PCDH9: variants seen among roughly 807,000 people sequenced by gnomAD.
PCDH9 encodes protocadherin 9.
PCDH9 carries 24 observed loss-of-function variants against 70.6 expected under a neutral mutation model. That is an observed-to-expected ratio of 0.34 (90% CI 0.25 to 0.48). PCDH9 has a LOEUF of 0.48. PCDH9 is among the 20% of genes least tolerant of loss of function. The pLI is 0.99. For synonymous variants in PCDH9, 562 were observed against 558.5 expected (o/e 1.01, Z -0.09); for missense variants, 1,281 against 1,503.6 (o/e 0.85, Z 2.45).
chr13:66,352,929 C>A (rs1407925218), intron 4 of PCDH9, among the ~76,000 whole-genome samples: 2 of 152,158 alleles, frequency 1.3e-5, no homozygotes, highest in Non-Finnish European at 2.9e-5. Flanking sequence ...TTCCTCCACT[C>A]TGATCTAGCC....
chr13:66,987,566 G>A (rs2083917637), intron 2 of PCDH9, among the ~76,000 whole-genome samples: 1 of 151,952 alleles, frequency 6.6e-6, no homozygotes, highest in African/African-American at 2.4e-5. Context: ...ATGAAATGAA[G>A]AGCTAGCTGA....
chr13:66,627,799 C>CT (rs1834044150), intron 4 of PCDH9, among the ~76,000 whole-genome samples: 2 of 152,142 alleles, frequency 1.3e-5, no homozygotes, highest in African/African-American at 4.8e-5. Context: ...GGTAAAAACT[C>CT]TAGAGATTTC....
chr13:66,746,753 C>A (rs1294470897), intron 3 of PCDH9, among the ~76,000 whole-genome samples: 2 of 152,094 alleles, frequency 1.3e-5, no homozygotes, highest in Admixed American at 6.5e-5. Flanking sequence ...AATATTTTCA[C>A]TACTGAAAGT....
At chr13:66,378,242 T>C (rs1956784547) in intron 4 of PCDH9, among the ~76,000 whole-genome samples, 1 of 152,188 alleles carries the variant, frequency 6.6e-6, no homozygotes, top group African/African-American at 2.4e-5. Flanking sequence ...ATTCAACCTT[T>C]CAAAGATGTA....
intron 4 of PCDH9, among the ~76,000 whole-genome samples, chr13:66,561,512 C>T (rs577276429): frequency 2.0e-5 from 3 of 152,316 alleles, no homozygotes; most frequent in African/African-American, 7.2e-5. Flanking sequence ...CTTGGAGAAC[C>T]TTTATGTCTA....
intron 2 of PCDH9, among the ~76,000 whole-genome samples, chr13:67,004,945 T>A (rs1446944149): frequency 5.3e-5 from 8 of 152,128 alleles, no homozygotes; most frequent in Non-Finnish European, 1.5e-5. Context: ...AGGGGACTAT[T>A]TTGAAGTGGT....
chr13:66,471,828 G>A (rs1372022180), intron 4 of PCDH9, among the ~76,000 whole-genome samples: 5 of 152,160 alleles, frequency 3.3e-5, no homozygotes, highest in Admixed American at 2.6e-4. Flanking sequence ...AGAAGGGAAA[G>A]TGTGGGTTAT....
intron 3 of PCDH9, among the ~76,000 whole-genome samples, chr13:66,652,893 GA>G (rs757446013): frequency 1.6e-4 from 24 of 152,068 alleles, no homozygotes; most frequent in Non-Finnish European, 2.5e-4. Flanking sequence ...TACATTGAGG[GA>G]AAGGATAGTC....
intron 3 of PCDH9, among the ~76,000 whole-genome samples, chr13:66,722,967 CAAAAA>C (rs1210244459): frequency 1.4e-5 from 1 of 73,712 alleles, no homozygotes; most frequent in Non-Finnish European, 2.9e-5. Context: ...GACTGCATCT[CAAAAA>C]AAAAAAAAAA....
At chr13:66,776,122 C>T (rs893431440) in intron 3 of PCDH9, among the ~76,000 whole-genome samples, 5 of 151,978 alleles carry the variant, frequency 3.3e-5, no homozygotes, top group Admixed American at 1.3e-4. Flanking sequence ...TTTGATGGGA[C>T]GTATCTCAAA....
At chr13:66,382,884 C>A (rs1956871840) in intron 4 of PCDH9, among the ~76,000 whole-genome samples, 1 of 152,018 alleles carries the variant, frequency 6.6e-6, no homozygotes, top group Non-Finnish European at 1.5e-5. Context: ...TACAAAAAAT[C>A]AGCCAGGCGT....
chr13:66,501,818 A>G (rs1038208981), intron 4 of PCDH9, among the ~76,000 whole-genome samples: 1 of 152,138 alleles, frequency 6.6e-6, no homozygotes, highest in Non-Finnish European at 1.5e-5. Flanking sequence ...TGTACATTTT[A>G]CTTAAGGCAT....
chr13:66,638,603 T>A (rs1593820096), intron 3 of PCDH9, among the ~76,000 whole-genome samples: 1 of 152,146 alleles, frequency 6.6e-6, no homozygotes, highest in East Asian at 1.9e-4. Flanking sequence ...TACAAAAATA[T>A]TAACAACCTC....
At chr13:67,162,084 A>C (rs953016351) in intron 2 of PCDH9, among the ~76,000 whole-genome samples, 1 of 152,204 alleles carries the variant, frequency 6.6e-6, no homozygotes, top group Admixed American at 6.5e-5. Context: ...GCAATTAAAA[A>C]GCCAATGATT....
chr13:66,306,832 C>T (rs1284958717), intron 4 of PCDH9, among the ~76,000 whole-genome samples: 2 of 151,840 alleles, frequency 1.3e-5, no homozygotes, highest in African/African-American at 4.8e-5. Context: ...TTTCTTTGCC[C>T]TCTACAATCT....
intron 3 of PCDH9, among the ~76,000 whole-genome samples, chr13:66,655,602 A>G (rs372683218): frequency 6.6e-6 from 1 of 152,082 alleles, no homozygotes; most frequent in Non-Finnish European, 1.5e-5. Flanking sequence ...TCAAGGGAAT[A>G]TATATATTTA....
chr13:66,990,282 C>G (rs1690831222), intron 2 of PCDH9, among the ~76,000 whole-genome samples: 1 of 151,600 alleles, frequency 6.6e-6, no homozygotes, highest in African/African-American at 2.4e-5. Flanking sequence ...GCAACAAACT[C>G]CAAGCATTAG....
intron 4 of PCDH9, among the ~76,000 whole-genome samples, chr13:66,362,846 C>A (rs1295358370): frequency 6.6e-6 from 1 of 152,104 alleles, no homozygotes; most frequent in African/African-American, 2.4e-5. Flanking sequence ...ACATCTTACA[C>A]AAGGCACATA....
Position 67,092,890 on chromosome 13 carries a change from CA to C in PCDH9, c.3036+132514del, listed in dbSNP as rs1278058430. Among the ~76,000 whole-genome samples, 10 of 151,296 alleles carry C rather than the reference CA, an allele frequency of 6.6e-5. No individual in the cohort carries two copies. The Admixed American group carries it at 6.7e-4, about 10-fold the overall frequency. On this transcript the variant is annotated intron_variant, in intron 2 of 4. Coordinates refer to ENST00000377865, the MANE Select transcript of PCDH9 (RefSeq NM_203487.3). ...GCATTTCCGAGGCCCAGCCAGCCAT[CA>C]GATTCACTTATGAACTGGAATTGCA...
Sources: gnomAD v4.1 joint callset for allele counts (sites outside exome capture counted in the v4.1 genomes callset) on GRCh38, gnomAD v4.1.1 for gene constraint, MANE v1.5 for transcripts, NCBI Gene and HGNC (gene_info 2026-07-23, HGNC 2026-07-21) for gene names.